Variants in CDK6 observed in about 807,000 individuals in gnomAD.
The protein encoded by CDK6 is cyclin-dependent kinase 6.
In CDK6, 6 loss-of-function variants were observed where a neutral mutation model predicts 37.1. The ratio of observed to expected loss-of-function variants is 0.16; its 90% CI spans 0.09 to 0.32. The LOEUF (loss-of-function observed/expected upper bound fraction) is 0.32. Among genes scored for constraint, CDK6 ranks in the 10% least tolerant of loss-of-function variants. The pLI is 1.00. For synonymous variants in CDK6, 160 were observed against 161.3 expected, an observed-to-expected ratio of 0.99 and a Z score of 0.06; for missense variants, 224 against 418.9, an observed-to-expected ratio of 0.53 and a Z score of 4.06.
chr7:92,798,706 T>C (rs1018661990), intron 2 of CDK6, among the ~76,000 whole-genome samples: 2 of 152,166 alleles, frequency 1.3e-5, no homozygotes, highest in Non-Finnish European at 2.9e-5. Flanking sequence ...GGGTCCCTCT[T>C]AGGACAGCCA....
intron 4 of CDK6, among the ~76,000 whole-genome samples, chr7:92,695,264 C>A (rs1455488270): frequency 2.1e-5 from 3 of 144,594 alleles, no homozygotes; most frequent in Admixed American, 6.8e-5. Context: ...ATTAAGGGAC[C>A]CTGAGGTAAA....
chr7:92,726,954 G>C (rs1168895193), intron 3 of CDK6, among the ~76,000 whole-genome samples: 1 of 152,160 alleles, frequency 6.6e-6, no homozygotes, highest in Non-Finnish European at 1.5e-5. Flanking sequence ...TTCAGTAAAT[G>C]GCAGCGCTTA....
chr7:92,635,013 T>C (rs1335091217), intron 5 of CDK6, among the ~76,000 whole-genome samples: 2 of 152,128 alleles, frequency 1.3e-5, no homozygotes, highest in African/African-American at 2.4e-5. Context: ...TTAAAAAACA[T>C]GCAACCAAAA....
intron 3 of CDK6, among the ~76,000 whole-genome samples, chr7:92,755,726 T>C (rs973190015): frequency 1.3e-5 from 2 of 152,170 alleles, no homozygotes; most frequent in African/African-American, 2.4e-5. Context: ...CAAAGCCTCC[T>C]AAGGTATAAG....
At chr7:92,679,642 A>G (rs986778781) in intron 4 of CDK6, among the ~76,000 whole-genome samples, 1 of 152,214 alleles carries the variant, frequency 6.6e-6, no homozygotes, top group Non-Finnish European at 1.5e-5. Context: ...TTTTCTCCCT[A>G]TAGAAAACTA....
intron 4 of CDK6, among the ~76,000 whole-genome samples, chr7:92,697,683 A>C (rs1797751331): frequency 6.6e-6 from 1 of 152,264 alleles, no homozygotes; most frequent in South Asian, 2.1e-4. Flanking sequence ...ATTGGTGTAC[A>C]TTGCAATTAC....
At chr7:92,712,255 C>G (rs898318234) in intron 4 of CDK6, among the ~76,000 whole-genome samples, 1 of 152,016 alleles carries the variant, frequency 6.6e-6, no homozygotes, top group African/African-American at 2.4e-5. Flanking sequence ...AAAAATGCCA[C>G]TGGATTTGGT....
chr7:92,781,234 C>T (rs1333854081), intron 2 of CDK6, among the ~76,000 whole-genome samples: 1 of 152,236 alleles, frequency 6.6e-6, no homozygotes, highest in Non-Finnish European at 1.5e-5. Context: ...CCCTAACTCT[C>T]CCACAAAGTA....
At chr7:92,780,147 A>C (rs1247615056) in intron 2 of CDK6, among the ~76,000 whole-genome samples, 3 of 151,954 alleles carry the variant, frequency 2.0e-5, no homozygotes, top group Non-Finnish European at 4.4e-5. Context: ...TAATTTTTGT[A>C]TTTTTAGTAA....
At chr7:92,728,043 T>G (rs1798554374) in intron 3 of CDK6, among the ~76,000 whole-genome samples, 1 of 152,222 alleles carries the variant, frequency 6.6e-6, no homozygotes. Flanking sequence ...ATCTGTTTGG[T>G]TCATGCTGCA....
chr7:92,822,833 T>C (rs151324857), intron 2 of CDK6, among the ~76,000 whole-genome samples: 3 of 152,248 alleles, frequency 2.0e-5, no homozygotes, highest in African/African-American at 7.2e-5. Flanking sequence ...TTTCTAAATA[T>C]GGCAGAATTT....
chr7:92,664,797 T>C (rs945534821), intron 5 of CDK6, among the ~76,000 whole-genome samples: 79 of 152,044 alleles, frequency 5.2e-4, no homozygotes, highest in African/African-American at 1.9e-3. Context: ...TTCCTTTTTT[T>C]TTTTTTGAGA....
intron 2 of CDK6, among the ~76,000 whole-genome samples, chr7:92,831,955 T>C (rs1391946791): frequency 6.6e-6 from 1 of 152,232 alleles, no homozygotes; most frequent in Admixed American, 6.5e-5. Context: ...TTTACAAAAA[T>C]ATTTAGCTGT....
intron 3 of CDK6, among the ~76,000 whole-genome samples, chr7:92,753,333 G>A (rs764104730): frequency 3.3e-5 from 5 of 152,000 alleles, no homozygotes; most frequent in African/African-American, 7.3e-5. Flanking sequence ...ATGAGGGCTC[G>A]CATTTATGTG....
chr7:92,630,880 G>A (rs1796036013), intron 5 of CDK6, among the ~76,000 whole-genome samples: 1 of 152,166 alleles, frequency 6.6e-6, no homozygotes, highest in Non-Finnish European at 1.5e-5. Context: ...TAGATGATTA[G>A]AGACGATCAG....
Position 92,605,501 on chromosome 7 carries a change from C to T in CDK6, c.*9639G>A, listed in dbSNP as rs1011107887. ...TAAAGTTTTGGTGGTCCTTGAATGA[C>T]ATATTTTACGTTACATATTTACCCT... On this transcript the variant is annotated 3_prime_UTR_variant, in exon 8 of 8. Transcript: ENST00000424848. 8.6e-6 allele frequency: 2 copies of T among 232,880 alleles called. No individual in the cohort carries two copies. The highest frequency in any genetic ancestry group is 1.1e-4 in the Admixed American group (2 of 17,772). The allele number at this position is 232,880 out of a possible 1,614,324, so 14.4% of individuals were successfully genotyped here.
intron 4 of CDK6, among the ~76,000 whole-genome samples, chr7:92,699,659 A>T (rs183121789): frequency 6.6e-6 from 1 of 152,376 alleles, no homozygotes; most frequent in East Asian, 1.9e-4. Context: ...TCATACATAT[A>T]CAAATGTGCC....
intron 5 of CDK6, among the ~76,000 whole-genome samples, chr7:92,640,391 T>C (rs1221940404): frequency 6.6e-6 from 1 of 152,230 alleles, no homozygotes; most frequent in Non-Finnish European, 1.5e-5. Context: ...GTGCAGCTGA[T>C]AGGATTTTTC....
intron 5 of CDK6, among the ~76,000 whole-genome samples, chr7:92,626,620 A>C (rs990477013): frequency 2.0e-5 from 3 of 152,136 alleles, no homozygotes; most frequent in Admixed American, 2.0e-4. Context: ...ATGGAAACCA[A>C]GCCAAGGAGG....
Sources: gnomAD v4.1 joint callset for allele counts (sites outside exome capture counted in the v4.1 genomes callset) on GRCh38, gnomAD v4.1.1 for gene constraint, MANE v1.5 for transcripts, NCBI Gene and HGNC (gene_info 2026-07-23, HGNC 2026-07-21) for gene names.